CRTAC1: variants seen among roughly 807,000 people sequenced by gnomAD.
CRTAC1 encodes the protein acidic secreted protein in cartilage.
Under a neutral mutation model 67.8 loss-of-function variants are expected in CRTAC1, and 37 were observed. That is an observed-to-expected ratio of 0.55 (90% CI 0.42 to 0.72). The LOEUF is 0.72. Ranked by LOEUF, CRTAC1 falls within the 30% of genes least tolerant of loss-of-function variation. CRTAC1 has a pLI of 0.00. For missense variants in CRTAC1, 780 were observed against 931.6 expected (o/e 0.84, Z 2.12); for synonymous variants, 348 against 371.0 (o/e 0.94, Z 0.71).
In CRTAC1 at chr10:97,874,577, G is replaced by A. The variant is rs2050126109; in HGVS notation, c.1819+5672C>T. On this transcript the variant is annotated intron_variant, in intron 14 of 14. Coordinates refer to ENST00000370597, the MANE Select transcript of CRTAC1 (RefSeq NM_018058.7). ...GTCCTGGGTGGCAGCAGGGTGTACC[G>A]GGAAGCACAGGAGCTTTGGCACTGA... Among the ~76,000 whole-genome samples the A allele has an allele frequency of 2.0e-5, 3 of 152,130 alleles. No individual in the cohort carries two copies. In the South Asian group the frequency reaches 6.2e-4, roughly 32 times the overall value.
At chr10:97,879,844 A>C in intron 14 of CRTAC1, 1 of 647,924 alleles carries the variant, frequency 1.5e-6, no homozygotes, top group Non-Finnish European at 2.5e-6. Flanking sequence ...TGGGAAAAAG[A>C]GAAAGGGGGT....
chr10:97,899,992 G>C (rs1412763300), intron 8 of CRTAC1, among the ~76,000 whole-genome samples: 1 of 152,220 alleles, frequency 6.6e-6, no homozygotes, highest in Non-Finnish European at 1.5e-5. Flanking sequence ...AGTGTGATGA[G>C]AATCACCTGG....
intron 11 of CRTAC1, among the ~76,000 whole-genome samples, chr10:97,891,380 G>T (rs914349170): frequency 6.6e-6 from 1 of 152,186 alleles, no homozygotes; most frequent in Non-Finnish European, 1.5e-5. Flanking sequence ...CTCCTAGAAT[G>T]GTCTCCTTAG....
chr10:97,902,661 T>C (rs909110063), intron 7 of CRTAC1, among the ~76,000 whole-genome samples: 2 of 152,134 alleles, frequency 1.3e-5, no homozygotes, highest in African/African-American at 4.8e-5. Context: ...CTTGGGGACA[T>C]GTCTAAGTCC....
At chr10:97,891,019 C>T (rs545494764) in intron 11 of CRTAC1, among the ~76,000 whole-genome samples, 78 of 152,220 alleles carry the variant, frequency 5.1e-4, no homozygotes, top group African/African-American at 1.7e-3. Context: ...ATATATTTAC[C>T]TATTTACTAT....
chr10:98,008,455 G>C (rs1356838838), intron 2 of CRTAC1, among the ~76,000 whole-genome samples: 1 of 152,020 alleles, frequency 6.6e-6, no homozygotes, highest in Non-Finnish European at 1.5e-5. Context: ...CGGGTCTCCT[G>C]CAACAGCCAG....
intron 4 of CRTAC1, among the ~76,000 whole-genome samples, chr10:97,921,888 A>C (rs1590210575): frequency 7.1e-6 from 1 of 141,784 alleles, no homozygotes; most frequent in Admixed American, 7.6e-5. Flanking sequence ...CCTGTGCTGC[A>C]GTGCCAGGTC....
chr10:97,917,214 A>T (rs1198539284), intron 5 of CRTAC1, among the ~76,000 whole-genome samples: 1 of 152,240 alleles, frequency 6.6e-6, no homozygotes, highest in Non-Finnish European at 1.5e-5. Flanking sequence ...GGTTCCAGGG[A>T]GAAAATGATG....
intron 1 of CRTAC1, among the ~76,000 whole-genome samples, chr10:98,011,671 C>T (rs1048525671): frequency 6.6e-6 from 1 of 152,158 alleles, no homozygotes; most frequent in Non-Finnish European, 1.5e-5. Context: ...AGAGTGTAAG[C>T]TCCACTTGGG....
chr10:97,895,129 C>A lies in CRTAC1; in HGVS notation c.1486+116G>T. On this transcript the variant is annotated intron_variant, in intron 11 of 14. Transcript: ENST00000370597. The surrounding 1 kb of genome is among the most constrained non-coding windows in gnomAD (Gnocchi z 4.2). Reference sequence around the variant, plus strand: ...AGGGTTTGTCCCCAGTAGCTGGTGTCCACCATGGCTGTCACAGTAGAGCGG... The same window carrying A: ...AGGGTTTGTCCCCAGTAGCTGGTGTACACCATGGCTGTCACAGTAGAGCGG... The A allele has an allele frequency of 9.8e-7, 1 of 1,019,348 alleles. No individual in the cohort carries two copies. The highest frequency in any genetic ancestry group is 1.4e-6 in the Non-Finnish European group (1 of 702,874). 63.1% of individuals were successfully genotyped at this position (1,019,348 alleles called of 1,614,324 possible).
intron 3 of CRTAC1, among the ~76,000 whole-genome samples, chr10:97,931,176 C>A: frequency 6.6e-6 from 1 of 152,124 alleles, no homozygotes; most frequent in East Asian, 1.9e-4. Flanking sequence ...TTAGCAAATA[C>A]TGTAAAAATA....
chr10:98,017,296 A>C (rs757568974), intron 1 of CRTAC1, among the ~76,000 whole-genome samples: 2 of 152,140 alleles, frequency 1.3e-5, no homozygotes, highest in African/African-American at 2.4e-5. Flanking sequence ...ATGTGATCTC[A>C]GGTGTAACAC....
In CRTAC1 at chr10:97,914,220, T is replaced by C. The variant is rs576964063; in HGVS notation, c.715+3280A>G. Among the ~76,000 whole-genome samples, 14 of 152,182 alleles carry C rather than the reference T, an allele frequency of 9.2e-5. No individual in the cohort carries two copies. In the East Asian group the frequency reaches 2.5e-3, roughly 27 times the overall value. On this transcript the variant is annotated intron_variant, in intron 5 of 14. Coordinates refer to ENST00000370597, the MANE Select transcript of CRTAC1 (RefSeq NM_018058.7). ...GCTGGCCATGCCCAGGACTGGAGGT[T>C]TGGGGGGACACACAGAGAATGTTTC...
chr10:97,882,893 A>C, intron 12 of CRTAC1, 65 bp from the exon 13 acceptor site: 1 of 1,527,632 alleles, frequency 6.5e-7, no homozygotes, highest in South Asian at 1.1e-5. Flanking sequence ...GTTCCCTCCT[A>C]GTCACAGCCA....
At chr10:98,006,094 A>C (rs953241339) in intron 2 of CRTAC1, among the ~76,000 whole-genome samples, 8 of 152,210 alleles carry the variant, frequency 5.3e-5, no homozygotes, top group African/African-American at 1.7e-4. Context: ...TTGGAAACTG[A>C]GATGGTAGGG....
intron 2 of CRTAC1, among the ~76,000 whole-genome samples, chr10:98,007,082 A>G (rs1159764377): frequency 1.3e-5 from 2 of 152,242 alleles, no homozygotes; most frequent in African/African-American, 2.4e-5. Flanking sequence ...CATCTGGTTT[A>G]TATCTTCAAA....
At chr10:97,995,704 G>A (rs968584232) in intron 2 of CRTAC1, among the ~76,000 whole-genome samples, 7 of 152,162 alleles carry the variant, frequency 4.6e-5, no homozygotes, top group Non-Finnish European at 8.8e-5. Context: ...ACATGGAAAT[G>A]AGGGACTCTG....
chr10:97,987,770 G>T (rs755614270), intron 2 of CRTAC1, among the ~76,000 whole-genome samples: 1 of 152,202 alleles, frequency 6.6e-6, no homozygotes, highest in South Asian at 2.1e-4. Context: ...ATACACATAG[G>T]TGCTCAATAA....
chr10:98,029,310 A>G lies in CRTAC1; in HGVS notation c.24+1139T>C, dbSNP rs930799057. On this transcript the variant is annotated intron_variant, in intron 1 of 14. Transcript: ENST00000370597. This position sits in a 1 kb window ranked among gnomAD's most constrained non-coding sequence, Gnocchi z 4.7. ...TTCTCCCCTGACTCAAGAAAACACTATAGAACTGTCCCCTGTCCTGGGACC... is the reference window on the plus strand; with the variant it reads ...TTCTCCCCTGACTCAAGAAAACACTGTAGAACTGTCCCCTGTCCTGGGACC... 1.3e-5 allele frequency among the ~76,000 whole-genome samples: 2 copies of G among 152,088 alleles called. No homozygotes were observed. Among genetic ancestry groups the G allele is most frequent in the Non-Finnish European group, 2.9e-5 (2 of 68,008 alleles).
Sources: gnomAD v4.1 joint callset for allele counts (sites outside exome capture counted in the v4.1 genomes callset) on GRCh38, gnomAD v4.1.1 for gene constraint, Gnocchi (gnomAD v3.1) non-coding constraint, MANE v1.5 for transcripts, NCBI Gene and HGNC (gene_info 2026-07-23, HGNC 2026-07-21) for gene names.